Variants in RPS27 observed in about 807,000 individuals in gnomAD.
RPS27 encodes the protein small ribosomal subunit protein eS27.
In RPS27, 1 loss-of-function variant was observed where a neutral mutation model predicts 11.8. The ratio of observed to expected loss-of-function variants is 0.08; its 90% confidence interval spans 0.03 to 0.40. The LOEUF is 0.40. RPS27 is among the 10% of genes least tolerant of loss of function. The pLI is 0.98. For missense variants in RPS27, 44 were observed against 100.1 expected (o/e 0.44, Z 2.39); for synonymous variants, 42 against 33.8 (o/e 1.24, Z -0.84).
Position 153,990,817 on chromosome 1 carries a change from C to A in RPS27, c.6+15C>A, listed in dbSNP as rs368629605. 2.5e-6 allele frequency: 4 copies of A among 1,614,076 alleles called. No homozygotes were observed. The African/African-American group carries it at 5.3e-5, about 22-fold the overall frequency. ...AGAACATGCCTGTGAGTGCTTTGGT[C>A]CAGGTTTCGGCGGAGATCTCGCTGT... On this transcript the variant is annotated intron_variant, in intron 1 of 3. Coordinates refer to ENST00000651669, the MANE Select transcript of RPS27 (RefSeq NM_001030.6).
At chr1:153,991,842 A>G (rs1278025634) in intron 3 of RPS27, 166 bp downstream of exon 3, 2 of 673,572 alleles carry the variant, frequency 3.0e-6, no homozygotes, top group Middle Eastern at 2.5e-4. Flanking sequence ...ACCAAAAGCT[A>G]TGTATTAATC....
intron 2 of RPS27, 134 bp from the exon 3 acceptor site, chr1:153,991,432 T>C (rs978933756): frequency 8.0e-6 from 11 of 1,382,440 alleles, no homozygotes; most frequent in Non-Finnish European, 1.0e-5. Flanking sequence ...TTCACCGTGA[T>C]CTCTCATCAC....
In RPS27 at chr1:153,990,785, G is replaced by C. The variant is rs947417094; in HGVS notation, c.-12G>C. On this transcript the variant is annotated 5_prime_UTR_variant, in exon 1 of 4. Coordinates refer to ENST00000651669, the MANE Select transcript of RPS27 (RefSeq NM_001030.6). ...CTCCTTTCCGGCGGTGACGACCTAC[G>C]CACACGAGAACATGCCTGTGAGTGC... The C allele has an allele frequency of 1.2e-6, 2 of 1,614,054 alleles. No individual in the cohort carries two copies. Among genetic ancestry groups the C allele is most frequent in the African/African-American group, 2.7e-5 (2 of 74,914 alleles).
At chr1:153,990,857 C>T (rs1447336497) in intron 1 of RPS27, 55 bp downstream of exon 1, 20 of 1,610,412 alleles carry the variant, frequency 1.2e-5, no homozygotes, top group East Asian at 4.5e-5. Flanking sequence ...TCCGAACTCT[C>T]CCCTCACGCT....
In RPS27 at chr1:153,991,123, G is replaced by A. The variant is rs768997884; in HGVS notation, c.15G>A (p.Lys5=). The change falls in exon 2 of 4, where the codon AAG becomes AAA. Residue 5 remains lysine, a synonymous_variant. Transcript: ENST00000651669. MPLA[K]DLLHPSPEEE... ...ATTTCTGTCCCTCTTAGCTCGCAAA[G>A]GATCTCCTTCATCCCTCTCCAGAAG... The A allele has an allele frequency of 1.1e-5, 17 of 1,581,820 alleles. No individual in the cohort carries two copies. The South Asian group carries it at 1.7e-4, about 16-fold the overall frequency.
At chr1:153,990,896 A>G (rs1453622544) in intron 1 of RPS27, 94 bp downstream of exon 1, 2 of 1,531,094 alleles carry the variant, frequency 1.3e-6, no homozygotes, top group African/African-American at 1.4e-5. Context: ...GTCCTCATTT[A>G]CCCTCTGCAC....
chr1:153,991,248 G>A, intron 2 of RPS27, 25 bp downstream of exon 2: 1 of 1,581,184 alleles, frequency 6.3e-7, no homozygotes, highest in Non-Finnish European at 8.6e-7. Context: ...TGCTGTAGTG[G>A]GGAAAGCACT....
chr1:153,991,459 C>CTACGTT (rs1326621171), intron 2 of RPS27, 107 bp from the exon 3 acceptor site: 2 of 1,368,024 alleles, frequency 1.5e-6, no homozygotes, highest in Non-Finnish European at 1.0e-6. Context: ...CATACAACCC[C>CTACGTT]TACGTTTTTT....
Position 153,990,785 on chromosome 1 carries a change from G to A in RPS27, c.-12G>A, listed in dbSNP as rs947417094. On this transcript the variant is annotated 5_prime_UTR_variant, in exon 1 of 4. Coordinates refer to ENST00000651669, the MANE Select transcript of RPS27 (RefSeq NM_001030.6). ...CTCCTTTCCGGCGGTGACGACCTAC[G>A]CACACGAGAACATGCCTGTGAGTGC... The A allele has an allele frequency of 1.7e-5, 28 of 1,614,054 alleles. No homozygotes were observed. The highest frequency in any genetic ancestry group is 2.2e-5 in the East Asian group (1 of 44,892).
At chr1:153,991,719 T>G in intron 3 of RPS27, 43 bp downstream of exon 3, 1 of 1,267,454 alleles carries the variant, frequency 7.9e-7, no homozygotes, top group South Asian at 1.2e-5. Context: ...GAGTTTGATT[T>G]TTAGAAATGG....
chr1:153,990,849 C>G (rs767437920), intron 1 of RPS27, 47 bp downstream of exon 1: 4 of 1,612,892 alleles, frequency 2.5e-6, no homozygotes, highest in Non-Finnish European at 3.4e-6. Context: ...CTGTTCTGTC[C>G]GAACTCTCCC....
At chr1:153,991,427 C>A in intron 2 of RPS27, 139 bp from the exon 3 acceptor site, 3 of 1,384,778 alleles carry the variant, frequency 2.2e-6, no homozygotes, top group East Asian at 4.9e-5. Context: ...TTCATTTCAC[C>A]GTGATCTCTC....
chr1:153,990,893 T>C (rs1649358604), intron 1 of RPS27, 91 bp downstream of exon 1: 13 of 1,531,492 alleles, frequency 8.5e-6, no homozygotes, highest in Middle Eastern at 1.7e-4. Context: ...AGGGTCCTCA[T>C]TTACCCTCTG....
chr1:153,991,333 T>G (rs762501879), intron 2 of RPS27, 110 bp downstream of exon 2: 5 of 1,520,912 alleles, frequency 3.3e-6, no homozygotes, highest in Non-Finnish European at 4.4e-6. Context: ...CTTCAGTTTC[T>G]TCGCCTGTGG....
Position 153,991,634 on chromosome 1 carries a change from G to A in RPS27, c.184G>A (p.Val62Ile). 1 of 1,612,642 alleles carries A rather than the reference G, an allele frequency of 6.2e-7. No individual in the cohort carries two copies. The highest frequency in any genetic ancestry group is 1.1e-5 in the South Asian group (1 of 91,028). The part of the protein sequence containing the change: ...TVVLCVGCST[V>I]LCQPTGGKAR... ...AGTTTTGTGTGTTGGCTGCTCCACTGTCCTCTGCCAGCCTACAGGAGGAAA... is the reference window on the plus strand; with the variant it reads ...AGTTTTGTGTGTTGGCTGCTCCACTATCCTCTGCCAGCCTACAGGAGGAAA... Residue 62 changes from valine to isoleucine, a missense_variant, in exon 3 of 4, where the codon GTC becomes ATC. Physicochemically the swap from Val to Ile is conservative, Grantham distance 29. Around this residue, in one of 2 missense-constraint regions of RPS27, gnomAD observed 23 missense variants for 83.8 expected, o/e 0.27. Coordinates refer to ENST00000651669, the MANE Select transcript of RPS27 (RefSeq NM_001030.6).
At chr1:153,991,391 A>G in intron 2 of RPS27, 168 bp downstream of exon 2, 1 of 1,485,806 alleles carries the variant, frequency 6.7e-7, no homozygotes, top group Non-Finnish European at 9.0e-7. Context: ...TGAGACTGGC[A>G]AAGTTTTGCA....
intron 1 of RPS27, 38 bp from the exon 2 acceptor site, chr1:153,991,077 T>C: frequency 6.8e-7 from 1 of 1,473,342 alleles, no homozygotes. Flanking sequence ...CCATTTTCGC[T>C]GTTGGTTTCT....
intron 1 of RPS27, 82 bp downstream of exon 1, chr1:153,990,884 G>A: frequency 6.3e-7 from 1 of 1,584,178 alleles, no homozygotes; most frequent in Non-Finnish European, 8.7e-7. Context: ...GGATCGTAGA[G>A]GGTCCTCATT....
intron 1 of RPS27, 46 bp downstream of exon 1, chr1:153,990,848 C>T: frequency 6.2e-7 from 1 of 1,613,094 alleles, no homozygotes; most frequent in Non-Finnish European, 8.5e-7. Context: ...GCTGTTCTGT[C>T]CGAACTCTCC....
Sources: allele counts gnomAD v4.1 joint callset, GRCh38; gene constraint gnomAD v4.1.1; regional missense constraint gnomAD v4.1.1; transcripts MANE v1.5; gene names NCBI Gene and HGNC (gene_info 2026-07-23, HGNC 2026-07-21).